The following RAB22A variants were observed in gnomAD, a reference collection of about 807,000 sequenced individuals.
RAB22A encodes RAB22A, member RAS oncogene family.
Under a neutral mutation model 30.2 loss-of-function variants are expected in RAB22A, and 13 were observed. The ratio of observed to expected loss-of-function variants is 0.43; its 90% CI spans 0.28 to 0.68. The LOEUF (loss-of-function observed/expected upper bound fraction) is 0.68. RAB22A is among the 30% of genes least tolerant of loss of function. The pLI is 0.18. For synonymous variants in RAB22A, 89 were observed against 87.2 expected, an observed-to-expected ratio of 1.02 and a Z score of -0.11; for missense variants, 177 against 246.8, an observed-to-expected ratio of 0.72 and a Z score of 1.89.
chr20:58,346,627 A>G (rs1292531758), intron 3 of RAB22A, among the ~76,000 whole-genome samples: 1 of 152,214 alleles, frequency 6.6e-6, no homozygotes, highest in Non-Finnish European at 1.5e-5. Flanking sequence ...TCCTCAGAAC[A>G]TTCATTAAAA....
chr20:58,332,673 A>G (rs962559437), intron 2 of RAB22A, among the ~76,000 whole-genome samples: 2 of 152,172 alleles, frequency 1.3e-5, no homozygotes, highest in Admixed American at 6.5e-5. Flanking sequence ...AGAAGGACAA[A>G]GGAAAAGAAT....
intron 3 of RAB22A, among the ~76,000 whole-genome samples, chr20:58,351,747 A>G (rs1201358781): frequency 6.6e-6 from 1 of 152,238 alleles, no homozygotes; most frequent in Non-Finnish European, 1.5e-5. Context: ...CGGGAGGCGG[A>G]GGCTGCGGTG....
intron 6 of RAB22A, 82 bp downstream of exon 6, chr20:58,354,347 T>G (rs1316459427): frequency 1.8e-5 from 17 of 935,390 alleles, no homozygotes; most frequent in Admixed American, 4.7e-5. Flanking sequence ...ATTCCTGTCT[T>G]ACTTAGAGCA....
rs199550503 is a variant in RAB22A, at chr20:58,356,311, CAA to C, written c.487+2060_487+2061del. ...GGGCAACAAGAGCAAGACTCCATCTCAAAAAAAAAAAAAAAGGAAGATAGTAA... is the reference window on the plus strand; with the variant it reads ...GGGCAACAAGAGCAAGACTCCATCTCAAAAAAAAAAAAAGGAAGATAGTAA... On this transcript the variant is annotated intron_variant, in intron 6 of 6. Coordinates refer to ENST00000244040, the MANE Select transcript of RAB22A (RefSeq NM_020673.3). Among the ~76,000 whole-genome samples, 38 of 91,266 alleles carry C rather than the reference CAA, an allele frequency of 4.2e-4. No individual in the cohort carries two copies. In the South Asian group the frequency reaches 5.1e-3, roughly 12 times the overall value. 59.9% of individuals were successfully genotyped at this position (91,266 alleles called of 152,430 possible). A position where few individuals can be genotyped will look rare whatever the true frequency, so the allele number is the denominator to read the frequency against.
At position 58,366,768 on chromosome 20, in the gene RAB22A, G is replaced by C. The variant is rs1987326788; in HGVS notation, c.*7065G>C. 6.6e-6 allele frequency: 1 copy of C among 152,160 alleles called. No individual in the cohort carries two copies. The highest frequency in any genetic ancestry group is 1.5e-5 in the Non-Finnish European group (1 of 68,014). The allele number at this position is 152,160 out of a possible 1,614,324, so 9.4% of individuals were successfully genotyped here. A position where few individuals can be genotyped will look rare whatever the true frequency, so the allele number is the denominator to read the frequency against. On this transcript the variant is annotated 3_prime_UTR_variant, in exon 7 of 7. Coordinates refer to ENST00000244040, the MANE Select transcript of RAB22A (RefSeq NM_020673.3). ...TTAACAAAATGGGTTTTGGTTTTTT[G>C]TTTTGTTTTGTTTTACCATTGGTAA...
At chr20:58,333,925 A>G (rs1378066669) in intron 2 of RAB22A, among the ~76,000 whole-genome samples, 3 of 152,124 alleles carry the variant, frequency 2.0e-5, no homozygotes, top group African/African-American at 7.2e-5. Context: ...GGATTTTATG[A>G]GCCACACCTT....
intron 2 of RAB22A, among the ~76,000 whole-genome samples, chr20:58,337,635 C>T (rs1289509954): frequency 1.3e-5 from 2 of 152,176 alleles, no homozygotes; most frequent in African/African-American, 4.8e-5. Flanking sequence ...TCTTTCTCAC[C>T]TTGCCTGCCT....
chr20:58,354,881 C>A (rs536599229), intron 6 of RAB22A, among the ~76,000 whole-genome samples: 1 of 152,120 alleles, frequency 6.6e-6, no homozygotes, highest in Non-Finnish European at 1.5e-5. Context: ...TCTCCTGGAG[C>A]GCACATTCTA....
intron 1 of RAB22A, 90 bp downstream of exon 1, chr20:58,310,102 C>A (rs1986191230): frequency 1.7e-6 from 2 of 1,180,654 alleles, no homozygotes; most frequent in Non-Finnish European, 2.1e-6. Context: ...CCCTTCCCCC[C>A]TCCCACGTCC....
At chr20:58,338,088 G>A (rs888262689) in intron 2 of RAB22A, among the ~76,000 whole-genome samples, 22 of 151,636 alleles carry the variant, frequency 1.5e-4, no homozygotes, top group Admixed American at 8.5e-4. Flanking sequence ...GTGCTATGGC[G>A]CAATCTCAGC....
chr20:58,310,227 C>T (rs931992132), intron 1 of RAB22A, among the ~76,000 whole-genome samples: 3 of 152,168 alleles, frequency 2.0e-5, no homozygotes. Context: ...CCTTCCCCTC[C>T]CTGGAGCCCG....
chr20:58,321,235 G>T lies in RAB22A; in HGVS notation c.116+10113G>T, dbSNP rs368373346. ...AAAAATTAGCTGGGCATGGTGGTAGGCACCTGTAATCTCAGCTACTGGGGA... is the reference window on the plus strand; with the variant it reads ...AAAAATTAGCTGGGCATGGTGGTAGTCACCTGTAATCTCAGCTACTGGGGA... On this transcript the variant is annotated intron_variant, in intron 2 of 6. Coordinates refer to ENST00000244040, the MANE Select transcript of RAB22A (RefSeq NM_020673.3). Among the ~76,000 whole-genome samples, 65 of 151,940 alleles carry T rather than the reference G, an allele frequency of 4.3e-4. No homozygotes were observed. The South Asian group carries it at 0.01, about 23-fold the overall frequency.
chr20:58,321,188 T>TG, intron 2 of RAB22A, among the ~76,000 whole-genome samples: 1 of 126,332 alleles, frequency 7.9e-6, no homozygotes, highest in Admixed American at 8.2e-5. Context: ...AGACTCCATC[T>TG]CAAAAAAAAA....
intron 2 of RAB22A, among the ~76,000 whole-genome samples, chr20:58,329,946 G>T (rs1273266769): frequency 2.0e-5 from 3 of 152,130 alleles, no homozygotes; most frequent in Non-Finnish European, 4.4e-5. Flanking sequence ...GAAAGTATCT[G>T]GGGGGGAAGA....
intron 2 of RAB22A, among the ~76,000 whole-genome samples, chr20:58,342,389 T>C (rs1986870285): frequency 6.6e-6 from 1 of 152,204 alleles, no homozygotes; most frequent in African/African-American, 2.4e-5. Flanking sequence ...ATGGCATAAA[T>C]TTATATAAAT....
chr20:58,354,482 A>G (rs1231512011), intron 6 of RAB22A, among the ~76,000 whole-genome samples: 1 of 152,072 alleles, frequency 6.6e-6, no homozygotes, highest in East Asian at 1.9e-4. Flanking sequence ...TTGCTACTGA[A>G]TAAATAATGC....
intron 1 of RAB22A, 44 bp downstream of exon 1, chr20:58,310,056 G>T: frequency 8.0e-7 from 1 of 1,257,732 alleles, no homozygotes. Context: ...GGGAGGCTGG[G>T]CTGGCGGGGA....
rs894869313 is a variant in RAB22A, at chr20:58,362,820, A to C, written c.*3117A>C. 2 of 152,136 alleles carry C rather than the reference A, an allele frequency of 1.3e-5. No homozygotes were observed. Among genetic ancestry groups the C allele is most frequent in the African/African-American group, 4.8e-5 (2 of 41,410 alleles). The allele number at this position is 152,136 out of a possible 1,614,324, so 9.4% of individuals were successfully genotyped here. Reference sequence around the variant, plus strand: ...ATGTTGTTTGAAGTCCCTGTTTCCCATTGTGTACGCACTTTCTGGATGTCT... The same window carrying C: ...ATGTTGTTTGAAGTCCCTGTTTCCCCTTGTGTACGCACTTTCTGGATGTCT... On this transcript the variant is annotated 3_prime_UTR_variant, in exon 7 of 7. Coordinates refer to ENST00000244040, the MANE Select transcript of RAB22A (RefSeq NM_020673.3).
intron 3 of RAB22A, among the ~76,000 whole-genome samples, chr20:58,346,680 C>A (rs528723108): frequency 3.9e-5 from 6 of 152,354 alleles, no homozygotes; most frequent in African/African-American, 1.4e-4. Context: ...TTGACAGAAT[C>A]TCCCATCAGA....
Sources: allele counts gnomAD v4.1 joint callset (sites outside exome capture counted in the v4.1 genomes callset), GRCh38; gene constraint gnomAD v4.1.1; transcripts MANE v1.5; gene names NCBI Gene and HGNC (gene_info 2026-07-23, HGNC 2026-07-21).